COA1: variants seen among roughly 807,000 people sequenced by gnomAD.
COA1 encodes the protein cytochrome c oxidase assembly factor 1 homolog.
Under a neutral mutation model 16.0 loss-of-function variants are expected in COA1, and 13 were observed. The ratio of observed to expected loss-of-function variants is 0.81; its 90% CI spans 0.53 to 1.29. The LOEUF (loss-of-function observed/expected upper bound fraction) is 1.29. Ranked by LOEUF, COA1 falls within the 50% of genes most tolerant of loss-of-function variation. The probability of loss-of-function intolerance (pLI) is 0.00; values close to 1 mark genes in which losing one functional copy is unlikely to be tolerated. For synonymous variants in COA1, 65 were observed against 65.7 expected, an observed-to-expected ratio of 0.99 and a Z score of 0.05; for missense variants, 179 against 177.0, an observed-to-expected ratio of 1.01 and a Z score of -0.06.
chr7:43,726,882 CACATTTCTCCAA>C (rs1170548551), intron 1 of COA1, among the ~76,000 whole-genome samples: 1 of 152,178 alleles, frequency 6.6e-6, no homozygotes, highest in Non-Finnish European at 1.5e-5. Flanking sequence ...GATCTGAGTA[CACATTTCTCCAA>C]AGAAGATAAA....
At chr7:43,616,308 T>C (rs925104705) in intron 6 of COA1, among the ~76,000 whole-genome samples, 2 of 152,162 alleles carry the variant, frequency 1.3e-5, no homozygotes, top group African/African-American at 4.8e-5. Context: ...TTATAAACTC[T>C]GACAGTAGGG....
At chr7:43,717,194 A>G (rs2095412833) in intron 1 of COA1, among the ~76,000 whole-genome samples, 1 of 152,200 alleles carries the variant, frequency 6.6e-6, no homozygotes, top group Admixed American at 6.5e-5. Context: ...TCCAGACCCC[A>G]GAATGGTAGA....
chr7:43,705,135 G>A (rs1403787133), intron 1 of COA1, among the ~76,000 whole-genome samples: 1 of 152,188 alleles, frequency 6.6e-6, no homozygotes, highest in Non-Finnish European at 1.5e-5. Flanking sequence ...CAGGCCTGTG[G>A]CTTTATTTTC....
At chr7:43,717,697 G>C (rs981670598) in intron 1 of COA1, among the ~76,000 whole-genome samples, 1 of 152,170 alleles carries the variant, frequency 6.6e-6, no homozygotes, top group Admixed American at 6.5e-5. Context: ...AGGGGCCGGG[G>C]GGGGAACAAT....
At chr7:43,644,167 A>G (rs903691080) in intron 4 of COA1, among the ~76,000 whole-genome samples, 1 of 152,072 alleles carries the variant, frequency 6.6e-6, no homozygotes, top group Non-Finnish European at 1.5e-5. Context: ...CAAAGTCCTC[A>G]CAGCCATCTC....
downstream of COA1, among the ~76,000 whole-genome samples, chr7:43,636,266 T>G (rs1433955775): frequency 1.3e-5 from 2 of 152,202 alleles, no homozygotes; most frequent in African/African-American, 2.4e-5. Flanking sequence ...AGCGCATTAC[T>G]AAGGAGGTGA....
intron 6 of COA1, among the ~76,000 whole-genome samples, chr7:43,627,583 T>C (rs2084700768): frequency 1.3e-5 from 2 of 152,244 alleles, no homozygotes; most frequent in Non-Finnish European, 2.9e-5. Context: ...ACACCTCAAT[T>C]TGAATTAGAC....
chr7:43,634,630 G>C (rs187560519), downstream of COA1, among the ~76,000 whole-genome samples: 1 of 152,220 alleles, frequency 6.6e-6, no homozygotes, highest in African/African-American at 2.4e-5. Flanking sequence ...GCAGGGGATG[G>C]GGAGGCCTCA....
At chr7:43,684,439 A>G (rs1204696837) in intron 1 of COA1, among the ~76,000 whole-genome samples, 1 of 152,152 alleles carries the variant, frequency 6.6e-6, no homozygotes, top group Admixed American at 6.5e-5. Flanking sequence ...AGCATCATAC[A>G]TGGCAGCACA....
intron 6 of COA1, among the ~76,000 whole-genome samples, chr7:43,629,049 G>A (rs916189760): frequency 7.9e-5 from 12 of 152,172 alleles, no homozygotes; most frequent in Non-Finnish European, 4.4e-5. Flanking sequence ...AAAGTAGGTA[G>A]GCATCAAATA....
At chr7:43,622,329 T>C (rs2083982993) in intron 6 of COA1, 1 of 152,238 alleles carries the variant, frequency 6.6e-6, no homozygotes, top group East Asian at 1.9e-4. Context: ...TCGCATTTCC[T>C]TTCCAACCTC....
chr7:43,676,483 T>C (rs1050310637), intron 1 of COA1, among the ~76,000 whole-genome samples: 1 of 152,124 alleles, frequency 6.6e-6, no homozygotes, highest in African/African-American at 2.4e-5. Context: ...TTAAGTGCAA[T>C]AGGCTAGGAC....
intron 1 of COA1, among the ~76,000 whole-genome samples, chr7:43,693,771 C>G (rs2094446505): frequency 6.6e-6 from 1 of 152,038 alleles, no homozygotes; most frequent in African/African-American, 2.4e-5. Flanking sequence ...GAACCCCAAT[C>G]CTGGATAAAT....
intron 6 of COA1, among the ~76,000 whole-genome samples, chr7:43,620,165 G>C (rs4077435): frequency 0.17 from 26,314 of 152,126 alleles, 2,732 homozygotes; most frequent in East Asian, 0.32. Context: ...GCTTCTGGCA[G>C]AAAGAAAAAG....
exon 7 of COA1, chr7:43,608,579 A>C: frequency 1.7e-6 from 1 of 591,812 alleles, no homozygotes; most frequent in Non-Finnish European, 2.8e-6. Context: ...GATAATGCAC[A>C]CATGTGTACA....
intron 1 of COA1, among the ~76,000 whole-genome samples, chr7:43,669,016 GCAAT>G (rs1453755319): frequency 1.3e-5 from 2 of 152,108 alleles, no homozygotes; most frequent in Non-Finnish European, 2.9e-5. Context: ...TCACCTAGAA[GCAAT>G]CAAACTCCAA....
chr7:43,632,542 C>T (rs1335266543), intron 6 of COA1: 1 of 151,938 alleles, frequency 6.6e-6, no homozygotes, highest in African/African-American at 2.4e-5. Flanking sequence ...AGAGAAACCA[C>T]AAAATGTATT....
downstream of COA1, among the ~76,000 whole-genome samples, chr7:43,637,957 A>C (rs565519691): frequency 9.2e-5 from 14 of 152,330 alleles, no homozygotes; most frequent in East Asian, 2.7e-3. Flanking sequence ...GAAGCACCAC[A>C]TAAATTCACA....
chr7:43,697,291 T>C (rs1238378163), intron 1 of COA1, among the ~76,000 whole-genome samples: 1 of 152,086 alleles, frequency 6.6e-6, no homozygotes, highest in Non-Finnish European at 1.5e-5. Context: ...TTATATCACA[T>C]GGAAACTTAT....
Sources: allele counts gnomAD v4.1 joint callset (sites outside exome capture counted in the v4.1 genomes callset), GRCh38; gene constraint gnomAD v4.1.1; transcripts MANE v1.5; gene names NCBI Gene and HGNC (gene_info 2026-07-23, HGNC 2026-07-21).